The following CHSY3 variants were observed in gnomAD, a reference collection of about 807,000 sequenced individuals.
CHSY3 encodes chondroitin sulfate synthase 3.
Under a neutral mutation model 67.2 loss-of-function variants are expected in CHSY3, and 35 were observed. That is an observed-to-expected ratio of 0.52 (90% CI 0.40 to 0.69). The LOEUF is 0.69. Ranked by LOEUF, CHSY3 falls within the 30% of genes least tolerant of loss-of-function variation. The pLI is 0.00. For missense variants in CHSY3, 1,069 were observed against 1,138.5 expected (o/e 0.94, Z 0.88); for synonymous variants, 474 against 434.7 (o/e 1.09, Z -1.12).
chr5:130,001,533 C>T lies in CHSY3; in HGVS notation c.1086+93173C>T, dbSNP rs182498217. ...AGGGCCTGGGATGAGAACCAAGATA[C>T]GCAGGACCCCATGGAGAGTCCCTCC... On this transcript the variant is annotated intron_variant, in intron 2 of 2. Coordinates refer to ENST00000305031, the MANE Select transcript of CHSY3 (RefSeq NM_175856.5). The T allele has an allele frequency of 7.6e-4, 701 of 927,818 alleles. 2 individuals are homozygous for T. Among genetic ancestry groups the T allele is most frequent in the South Asian group, 4.7e-3 (94 of 20,186 alleles). 57.5% of individuals were successfully genotyped at this position (927,818 alleles called of 1,614,324 possible).
intron 2 of CHSY3, among the ~76,000 whole-genome samples, chr5:129,956,472 G>A (rs997030142): frequency 2.6e-5 from 4 of 151,848 alleles, no homozygotes; most frequent in Admixed American, 2.0e-4. Flanking sequence ...TGTCAAATGC[G>A]GTTTGCAAAA....
At chr5:130,118,677 C>T (rs1232615802) in intron 2 of CHSY3, among the ~76,000 whole-genome samples, 1 of 151,974 alleles carries the variant, frequency 6.6e-6, no homozygotes, top group African/African-American at 2.4e-5. Flanking sequence ...TTTCCTTTTT[C>T]CACATGTAAC....
At chr5:130,007,120 T>A (rs539435817) in intron 2 of CHSY3, among the ~76,000 whole-genome samples, 1 of 152,302 alleles carries the variant, frequency 6.6e-6, no homozygotes, top group East Asian at 1.9e-4. Context: ...AAACAAAATA[T>A]TATACCATGT....
intron 2 of CHSY3, among the ~76,000 whole-genome samples, chr5:129,919,054 C>T (rs1329037623): frequency 8.0e-6 from 1 of 125,664 alleles, no homozygotes; most frequent in Non-Finnish European, 1.6e-5. Context: ...TTGCCGTGAG[C>T]CGAGATTGCG....
At chr5:129,977,881 A>C (rs543746027) in intron 2 of CHSY3, among the ~76,000 whole-genome samples, 341 of 152,134 alleles carry the variant, frequency 2.2e-3, no homozygotes, top group African/African-American at 7.3e-3. Flanking sequence ...AAAAAAAAAA[A>C]AACTAATAGC....
At chr5:130,006,852 C>T (rs900135902) in intron 2 of CHSY3, among the ~76,000 whole-genome samples, 5 of 152,120 alleles carry the variant, frequency 3.3e-5, no homozygotes, top group African/African-American at 9.7e-5. Flanking sequence ...TGAAAGGGCT[C>T]CTAGCCTACA....
In CHSY3 at chr5:129,905,255, T is replaced by G; in HGVS notation, c.426T>G (p.Ala142=). ...CCGAGGAGGAGGACGGGGGCGCGGC[T>G]GGGCAGCGGAGAGACGGCCGGCCGG... is the stretch of plus-strand genomic sequence containing the variant. ...GEPEEEDGGA[A]GQRRDGRPGS... The change falls in exon 1 of 3, where the codon GCT becomes GCG. Residue 142 remains alanine (A), a synonymous_variant. Transcript: ENST00000305031. 4 of 1,454,770 alleles carry G rather than the reference T, an allele frequency of 2.7e-6. No individual in the cohort carries two copies. The highest frequency in any genetic ancestry group is 1.4e-5 in the South Asian group (1 of 72,262). 90.1% of individuals were successfully genotyped at this position (1,454,770 alleles called of 1,614,324 possible). A position where few individuals can be genotyped will look rare whatever the true frequency, so the allele number is the denominator to read the frequency against.
intron 2 of CHSY3, among the ~76,000 whole-genome samples, chr5:130,144,627 A>T (rs1769015492): frequency 6.6e-6 from 1 of 152,132 alleles, no homozygotes; most frequent in African/African-American, 2.4e-5. Flanking sequence ...ATACCAATGA[A>T]GCTCTTCAGA....
intron 2 of CHSY3, among the ~76,000 whole-genome samples, chr5:130,111,367 T>G (rs922244586): frequency 1.3e-5 from 2 of 152,138 alleles, no homozygotes; most frequent in Non-Finnish European, 2.9e-5. Context: ...CTATATATTT[T>G]ATGACCCTGA....
intron 2 of CHSY3, among the ~76,000 whole-genome samples, chr5:130,009,702 G>A (rs1319125612): frequency 3.3e-5 from 5 of 152,020 alleles, no homozygotes; most frequent in East Asian, 3.9e-4. Flanking sequence ...GTGGCAAGTT[G>A]GATAATGAAG....
chr5:130,053,818 C>T (rs190770764), intron 2 of CHSY3, among the ~76,000 whole-genome samples: 24 of 152,174 alleles, frequency 1.6e-4, no homozygotes, highest in African/African-American at 5.8e-4. Context: ...TTTAGATGAG[C>T]TCACTTTTAG....
chr5:130,014,970 T>C (rs1764174665), intron 2 of CHSY3, among the ~76,000 whole-genome samples: 1 of 152,128 alleles, frequency 6.6e-6, no homozygotes. Flanking sequence ...CTGACAAAGG[T>C]CAAATATCTA....
chr5:130,180,582 G>A (rs1003916112), intron 2 of CHSY3, among the ~76,000 whole-genome samples: 38 of 151,864 alleles, frequency 2.5e-4, no homozygotes, highest in African/African-American at 7.5e-4. Flanking sequence ...GACTGGGCAC[G>A]GTGCCTTATG....
intron 2 of CHSY3, chr5:130,002,126 G>A (rs1455893022): frequency 5.4e-6 from 5 of 931,536 alleles, no homozygotes; most frequent in South Asian, 4.9e-5. Flanking sequence ...GTCTCTGTGT[G>A]TTGTCCCTTG....
At chr5:130,125,003 G>A (rs1455571015) in intron 2 of CHSY3, among the ~76,000 whole-genome samples, 2 of 152,148 alleles carry the variant, frequency 1.3e-5, no homozygotes, top group Admixed American at 6.6e-5. Context: ...TGTATTGGCC[G>A]GGTATGATGG....
At chr5:129,973,166 G>T (rs977549984) in intron 2 of CHSY3, among the ~76,000 whole-genome samples, 2 of 152,050 alleles carry the variant, frequency 1.3e-5, no homozygotes, top group African/African-American at 4.8e-5. Context: ...CACTGATAAT[G>T]TGTTATCAGG....
chr5:130,159,617 T>C (rs1354340084), intron 2 of CHSY3, among the ~76,000 whole-genome samples: 1 of 152,220 alleles, frequency 6.6e-6, no homozygotes, highest in African/African-American at 2.4e-5. Context: ...ATAAGTGAAG[T>C]AAAAGTTTGA....
At chr5:130,100,446 C>T (rs762955466) in intron 2 of CHSY3, among the ~76,000 whole-genome samples, 2 of 151,710 alleles carry the variant, frequency 1.3e-5, no homozygotes, top group Admixed American at 6.6e-5. Flanking sequence ...CCGCCCGCCT[C>T]GGCCTCCCAA....
In CHSY3 at chr5:130,130,362, C is replaced by T. The variant is rs1231610819; in HGVS notation, c.1087-53867C>T. Among the ~76,000 whole-genome samples the T allele has an allele frequency of 2.6e-5, 4 of 152,256 alleles. No homozygotes were observed. In the East Asian group the frequency reaches 7.7e-4, roughly 29 times the overall value. On this transcript the variant is annotated intron_variant, in intron 2 of 2. Transcript: ENST00000305031. ...ATGTAATCATTTTGAAATCCATATA[C>T]CTAAATCTATGGTGTATATCTGGAA...
Sources: gnomAD v4.1 joint callset for allele counts (sites outside exome capture counted in the v4.1 genomes callset) on GRCh38, gnomAD v4.1.1 for gene constraint, MANE v1.5 for transcripts, NCBI Gene and HGNC (gene_info 2026-07-23, HGNC 2026-07-21) for gene names.